Variants in GRIN2A observed in about 807,000 individuals in gnomAD.
The protein encoded by GRIN2A is glutamate ionotropic receptor NMDA type subunit 2A.
Under a neutral mutation model 113.4 loss-of-function variants are expected in GRIN2A, and 22 were observed. The observed-to-expected ratio is 0.19, with a 90% CI of 0.14 to 0.28. The LOEUF (loss-of-function observed/expected upper bound fraction) is 0.28. GRIN2A is among the 10% of genes least tolerant of loss of function. GRIN2A has a pLI of 1.00. For missense variants in GRIN2A, 1,502 were observed against 1,887.0 expected (o/e 0.80, Z 3.78); for synonymous variants, 827 against 738.4 (o/e 1.12, Z -1.94).
intron 2 of GRIN2A, among the ~76,000 whole-genome samples, chr16:10,120,037 A>T (rs1215526130): frequency 6.6e-6 from 1 of 152,222 alleles, no homozygotes; most frequent in Non-Finnish European, 1.5e-5. Flanking sequence ...AGGGCTGCAG[A>T]ATACATATGT....
At chr16:10,153,224 C>T (rs1268562550) in intron 2 of GRIN2A, among the ~76,000 whole-genome samples, 1 of 152,116 alleles carries the variant, frequency 6.6e-6, no homozygotes, top group East Asian at 1.9e-4. Context: ...TTTGGGATAT[C>T]TCTGTACATT....
At chr16:9,888,541 C>G (rs1055633922) in intron 4 of GRIN2A, among the ~76,000 whole-genome samples, 3 of 151,782 alleles carry the variant, frequency 2.0e-5, no homozygotes, top group Non-Finnish European at 4.4e-5. Flanking sequence ...TTCCTTTTCC[C>G]TGTTGTCATA....
At chr16:10,104,749 C>T (rs893029303) in intron 2 of GRIN2A, among the ~76,000 whole-genome samples, 1 of 152,132 alleles carries the variant, frequency 6.6e-6, no homozygotes, top group Non-Finnish European at 1.5e-5. Context: ...AAAATCAGTA[C>T]AACAATCCCT....
At chr16:9,966,445 G>A (rs923045035) in intron 2 of GRIN2A, among the ~76,000 whole-genome samples, 2 of 152,182 alleles carry the variant, frequency 1.3e-5, no homozygotes, top group African/African-American at 2.4e-5. Flanking sequence ...CACAGGACAT[G>A]ATCTCATCCT....
chr16:9,975,472 G>A (rs544408437), intron 2 of GRIN2A, among the ~76,000 whole-genome samples: 48 of 152,300 alleles, frequency 3.2e-4, no homozygotes, highest in Admixed American at 9.8e-4. Flanking sequence ...TACATGGAAA[G>A]CATGAGAAAG....
intron 3 of GRIN2A, among the ~76,000 whole-genome samples, chr16:9,934,312 A>T (rs1386988298): frequency 6.6e-6 from 1 of 152,186 alleles, no homozygotes; most frequent in Non-Finnish European, 1.5e-5. Context: ...GAGAAATTAT[A>T]TCTTAATTCA....
rs1885964193 is a variant in GRIN2A at position 9,891,036 on chromosome 16, G to C, written c.1072C>G (p.His358Asp). The C allele has an allele frequency of 6.2e-7, 1 of 1,613,210 alleles. No individual in the cohort carries two copies. The highest frequency in any genetic ancestry group is 1.1e-5 in the South Asian group (1 of 91,070). The change falls in exon 4 of 13, where the codon CAC becomes GAC. Residue 358 changes from histidine to aspartate, a missense_variant. By Grantham distance (81) the His-to-Asp change is moderately conservative (BLOSUM62 -1). This residue lies in a region of GRIN2A where 334 missense variants were observed against 403.0 expected (regional missense o/e 0.83). Transcript: ENST00000330684. ...AGCACAATCACCACCAGCCTGGGGT[G>C]CACCTGGTAGCCTTCCTCAGTGAAG... Reference protein sequence around the residue: ...LSFTEEGYQVHPRLVVIVLNK... With the variant: ...LSFTEEGYQVDPRLVVIVLNK...
At chr16:10,021,769 G>C (rs956712364) in intron 2 of GRIN2A, among the ~76,000 whole-genome samples, 8 of 151,958 alleles carry the variant, frequency 5.3e-5, no homozygotes, top group Non-Finnish European at 7.4e-5. Flanking sequence ...AGGGTCAGTG[G>C]GGCTGGAGCA....
intron 2 of GRIN2A, among the ~76,000 whole-genome samples, chr16:10,144,138 C>G (rs10852261): frequency 0.56 from 84,983 of 151,586 alleles, 24,673 homozygotes; most frequent in East Asian, 0.91. Flanking sequence ...AGTTCCATTA[C>G]GCTGGTGCTA....
rs2141131755 is a variant in GRIN2A at position 9,764,059 on chromosome 16, T to A, written c.3485A>T (p.Asp1162Val). Reference sequence around the variant, plus strand: ...GTTCCGGTTCATTGGCAGCGTGGAGTCCCCCTTGCGGAAGTTTTCACTGGG... The same window carrying A: ...GTTCCGGTTCATTGGCAGCGTGGAGACCCCCTTGCGGAAGTTTTCACTGGG... ...QDPSENFRKG[D>V]STLPMNRNPL... Residue 1162 changes from aspartate to valine, a missense_variant, in exon 13 of 13, where the codon GAC becomes GTC. Coordinates refer to ENST00000330684, the MANE Select transcript of GRIN2A (RefSeq NM_001134407.3). 6 of 1,613,516 alleles carry A rather than the reference T, an allele frequency of 3.7e-6. No homozygotes were observed. Among genetic ancestry groups the A allele is most frequent in the Non-Finnish European group, 4.2e-6 (5 of 1,179,628 alleles).
At chr16:9,939,376 A>C (rs539043016) in intron 2 of GRIN2A, among the ~76,000 whole-genome samples, 28 of 152,328 alleles carry the variant, frequency 1.8e-4, no homozygotes, top group African/African-American at 6.5e-4. Context: ...ACGATGTTGA[A>C]GAGCTTGGCA....
At position 9,812,749 on chromosome 16, in the gene GRIN2A, T is replaced by C. The variant is rs779908443; in HGVS notation, c.2168+9515A>G. Among the ~76,000 whole-genome samples the C allele has an allele frequency of 3.5e-4, 53 of 152,222 alleles. 1 individual carries two copies. Among genetic ancestry groups the C allele is most frequent in the South Asian group, 1.7e-3 (8 of 4,810 alleles). Reference sequence around the variant, plus strand: ...TGCTTTGTGTCCAAAGCAATTCAGGTAGCTCACACTCACTGTAATAGAATA... The same window carrying C: ...TGCTTTGTGTCCAAAGCAATTCAGGCAGCTCACACTCACTGTAATAGAATA... On this transcript the variant is annotated intron_variant, in intron 10 of 12. Transcript: ENST00000330684.
At chr16:9,765,059 C>G in intron 12 of GRIN2A, 111 bp from the exon 13 acceptor site, 1 of 1,407,642 alleles carries the variant, frequency 7.1e-7, no homozygotes, top group Non-Finnish European at 9.9e-7. Flanking sequence ...TGCAGGAGCC[C>G]TGGAGAAACA....
chr16:9,952,905 G>C (rs1251836493), intron 2 of GRIN2A, among the ~76,000 whole-genome samples: 1 of 152,176 alleles, frequency 6.6e-6, no homozygotes, highest in Non-Finnish European at 1.5e-5. Flanking sequence ...GAAGGATGGA[G>C]AGACACAGAC....
chr16:9,989,022 G>A (rs1409297407), intron 2 of GRIN2A, among the ~76,000 whole-genome samples: 7 of 152,082 alleles, frequency 4.6e-5, no homozygotes, highest in Admixed American at 4.6e-4. Context: ...ATAAGACTTT[G>A]GTGCTCTCTG....
chr16:9,938,491 G>A lies in GRIN2A; in HGVS notation c.475C>T (p.Leu159=), dbSNP rs2044771164. ...CAGTCATAATCCTGCATGATCTTCA[G>A]CATGACCGTGGCTTGCTGCTGGATG... The part of the protein sequence containing the change: ...ASIQQQATVM[L]KIMQDYDWHV... Residue 159 remains leucine (L), a synonymous_variant, in exon 3 of 13, where the codon CTG becomes TTG. Transcript: ENST00000330684. 1.2e-6 allele frequency: 2 copies of A among 1,612,208 alleles called. No individual in the cohort carries two copies. The highest frequency in any genetic ancestry group is 1.1e-5 in the South Asian group (1 of 91,088).
At chr16:9,996,164 A>G (rs955824519) in intron 2 of GRIN2A, among the ~76,000 whole-genome samples, 1 of 152,092 alleles carries the variant, frequency 6.6e-6, no homozygotes, top group African/African-American at 2.4e-5. Context: ...AAAGAATGGG[A>G]TAAGTTGAAT....
intron 3 of GRIN2A, among the ~76,000 whole-genome samples, chr16:9,909,274 C>A (rs1446720303): frequency 6.6e-6 from 1 of 152,170 alleles, no homozygotes; most frequent in Non-Finnish European, 1.5e-5. Context: ...CAATTACCTC[C>A]CACCAGGTCC....
intron 2 of GRIN2A, among the ~76,000 whole-genome samples, chr16:10,065,919 G>A (rs577621345): frequency 1.6e-3 from 241 of 152,250 alleles, no homozygotes; most frequent in African/African-American, 5.3e-3. Context: ...GTGGAAACAT[G>A]GGTCTCTTAC....
Sources: gnomAD v4.1 joint callset for allele counts (sites outside exome capture counted in the v4.1 genomes callset) on GRCh38, gnomAD v4.1.1 for gene constraint, gnomAD v4.1.1 regional missense constraint, MANE v1.5 for transcripts, NCBI Gene and HGNC (gene_info 2026-07-23, HGNC 2026-07-21) for gene names.